The following NAV3 variants were observed in gnomAD, a reference collection of about 807,000 sequenced individuals.
The protein encoded by NAV3 is neuron navigator 3.
Under a neutral mutation model 244.7 loss-of-function variants are expected in NAV3, and 87 were observed. The observed-to-expected ratio is 0.36, with a 90% CI of 0.30 to 0.42. NAV3 has a LOEUF of 0.42. NAV3 is among the 20% of genes least tolerant of loss of function. The pLI, the probability that NAV3 is intolerant of heterozygous loss-of-function variation, is 1.00. For synonymous variants in NAV3, 1,126 were observed against 1,042.2 expected, an observed-to-expected ratio of 1.08 and a Z score of -1.55; for missense variants, 2,663 against 2,893.3, an observed-to-expected ratio of 0.92 and a Z score of 1.83.
chr12:78,137,367 T>A lies in NAV3; in HGVS notation c.4630+2T>A. ...CATTCAGAGACAGCATGGAAGAAGG[T>A]AAGCGTTGAGGGGGATTAAAGATGA... On this transcript the variant is annotated splice_donor_variant, in intron 19 of 39. Transcript: ENST00000397909. LOFTEE classifies it high-confidence loss of function. The A allele has an allele frequency of 6.2e-7, 1 of 1,607,950 alleles. No individual in the cohort carries two copies. The highest frequency in any genetic ancestry group is 1.3e-5 in the African/African-American group (1 of 74,820).
intron 39 of NAV3, among the ~76,000 whole-genome samples, chr12:78,206,050 C>A (rs555382437): frequency 1.3e-5 from 2 of 152,206 alleles, no homozygotes; most frequent in African/African-American, 2.4e-5. Flanking sequence ...CTCAGCTGAA[C>A]ATTTTGGGAG....
chr12:78,047,955 G>C (rs1398446964), intron 9 of NAV3, among the ~76,000 whole-genome samples: 1 of 151,906 alleles, frequency 6.6e-6, no homozygotes, highest in African/African-American at 2.4e-5. Context: ...ATTTCAGTAA[G>C]TTCATCTTCA....
chr12:77,824,241 A>ATTTTTTTTTTTTT (rs61710960), intron 2 of NAV3, among the ~76,000 whole-genome samples: 173 of 104,908 alleles, frequency 1.6e-3, no homozygotes, highest in Non-Finnish European at 1.8e-3. Flanking sequence ...GCCCAACTAA[A>ATTTTTTTTTTTTT]TTTTTTTTTT....
intron 14 of NAV3, among the ~76,000 whole-genome samples, chr12:78,118,933 G>A (rs1955542916): frequency 1.3e-5 from 2 of 152,268 alleles, no homozygotes; most frequent in South Asian, 4.1e-4. Context: ...TCTTTTTCTA[G>A]TAATTAGCTT....
At chr12:78,012,502 C>A (rs1875479962) in intron 8 of NAV3, among the ~76,000 whole-genome samples, 1 of 152,068 alleles carries the variant, frequency 6.6e-6, no homozygotes, top group South Asian at 2.1e-4. Context: ...ACCCTGTTCA[C>A]AATTGATCCC....
intron 38 of NAV3, 22 bp downstream of exon 38, chr12:78,200,613 G>T (rs1360204746): frequency 5.4e-6 from 7 of 1,288,394 alleles, no homozygotes; most frequent in East Asian, 2.5e-5. Flanking sequence ...AATTTTCATT[G>T]CTATTTTTTT....
intron 9 of NAV3, among the ~76,000 whole-genome samples, chr12:78,045,727 A>G (rs556760910): frequency 1.3e-5 from 2 of 152,318 alleles, no homozygotes; most frequent in Non-Finnish European, 2.9e-5. Flanking sequence ...TTTTGGTATC[A>G]GGATGATGCT....
intron 2 of NAV3, among the ~76,000 whole-genome samples, chr12:77,628,170 T>C (rs1871721415): frequency 6.6e-6 from 1 of 152,204 alleles, no homozygotes; most frequent in Non-Finnish European, 1.5e-5. Flanking sequence ...CCAACACAAA[T>C]AAATGATAAA....
intron 2 of NAV3, among the ~76,000 whole-genome samples, chr12:77,636,378 A>G (rs1288699880): frequency 6.6e-6 from 1 of 151,580 alleles, no homozygotes; most frequent in South Asian, 2.1e-4. Flanking sequence ...AGGCAGGAGA[A>G]TGACGTCTAC....
At chr12:78,109,212 A>C (rs1261803321) in intron 12 of NAV3, among the ~76,000 whole-genome samples, 3 of 152,098 alleles carry the variant, frequency 2.0e-5, no homozygotes, top group African/African-American at 7.2e-5. Context: ...GAAATAGATA[A>C]ATTCCTAGAA....
intron 2 of NAV3, among the ~76,000 whole-genome samples, chr12:77,805,593 A>G (rs1871934567): frequency 8.5e-5 from 13 of 152,182 alleles, no homozygotes. Flanking sequence ...GTATTTTTGC[A>G]TCAGTGTTCT....
At chr12:77,646,587 A>T (rs2136972692) in intron 2 of NAV3, among the ~76,000 whole-genome samples, 1 of 152,264 alleles carries the variant, frequency 6.6e-6, no homozygotes, top group Middle Eastern at 3.4e-3. Context: ...ACCAAAAAGT[A>T]GAAAGGTCCA....
At chr12:77,765,909 C>T (rs945089866) in intron 2 of NAV3, among the ~76,000 whole-genome samples, 3 of 151,796 alleles carry the variant, frequency 2.0e-5, no homozygotes, top group African/African-American at 4.8e-5. Context: ...AGGAGGGAGT[C>T]GGTGGTGAAA....
At chr12:78,092,566 C>T (rs1326006833) in intron 12 of NAV3, among the ~76,000 whole-genome samples, 1 of 120,490 alleles carries the variant, frequency 8.3e-6, no homozygotes, top group Non-Finnish European at 1.6e-5. Context: ...GTGGTGCGAT[C>T]TTGGTTCACT....
chr12:77,678,155 A>G (rs1367901780), intron 2 of NAV3, among the ~76,000 whole-genome samples: 4 of 152,160 alleles, frequency 2.6e-5, no homozygotes, highest in Non-Finnish European at 5.9e-5. Flanking sequence ...CCACTAAGTA[A>G]AACCAGATGA....
At chr12:77,709,384 A>C (rs1875994846) in intron 2 of NAV3, among the ~76,000 whole-genome samples, 1 of 152,202 alleles carries the variant, frequency 6.6e-6, no homozygotes, top group Non-Finnish European at 1.5e-5. Context: ...TCCCTTTGAA[A>C]ACTGGCACAA....
chr12:78,031,894 A>G (rs879634598), intron 9 of NAV3, among the ~76,000 whole-genome samples: 1 of 151,750 alleles, frequency 6.6e-6, no homozygotes, highest in Non-Finnish European at 1.5e-5. Flanking sequence ...ATAAAAAAAT[A>G]ATAATAATAA....
At chr12:77,869,031 TAAAA>T (rs914581922) in intron 1 of NAV3, among the ~76,000 whole-genome samples, 1 of 147,284 alleles carries the variant, frequency 6.8e-6, no homozygotes, top group African/African-American at 2.6e-5. Context: ...GAGATCGAGG[TAAAA>T]AACAAACAAA....
At chr12:78,091,812 A>AAAAAAAAAAAAAAACAAAC (rs1953957346) in intron 12 of NAV3, 1 of 149,886 alleles carries the variant, frequency 6.7e-6, no homozygotes, top group Non-Finnish European at 1.5e-5. Flanking sequence ...AAAAAAAAAA[A>AAAAAAAAAAAAAAACAAAC]ATTCACCTGT....
Sources: gnomAD v4.1 joint callset for allele counts (sites outside exome capture counted in the v4.1 genomes callset) on GRCh38, gnomAD v4.1.1 for gene constraint, MANE v1.5 for transcripts, NCBI Gene and HGNC (gene_info 2026-07-23, HGNC 2026-07-21) for gene names.